Variants in ERBB4 observed in about 807,000 individuals in gnomAD.
ERBB4 encodes the protein receptor tyrosine-protein kinase erbB-4.
In ERBB4, 42 loss-of-function variants were observed where a neutral mutation model predicts 158.0. The ratio of observed to expected loss-of-function variants is 0.27; its 90% CI spans 0.21 to 0.34. The LOEUF is 0.34. ERBB4 is among the 10% of genes least tolerant of loss of function. The pLI, the probability that ERBB4 is intolerant of heterozygous loss-of-function variation, is 1.00. For synonymous variants in ERBB4, 583 were observed against 558.7 expected (o/e 1.04, Z -0.61); for missense variants, 1,333 against 1,624.1 (o/e 0.82, Z 3.08).
chr2:211,551,524 AAAC>A (rs1257178614), intron 20 of ERBB4, among the ~76,000 whole-genome samples: 1 of 152,190 alleles, frequency 6.6e-6, no homozygotes, highest in Non-Finnish European at 1.5e-5. Flanking sequence ...GAATCCATTC[AAAC>A]AACTGGTATT....
Position 211,623,917 on chromosome 2 carries a change from C to T in ERBB4, c.2202+5G>A, listed in dbSNP as rs767121730. ...AACTAACGATATGCGTTGTTTTTTACTTACTTTATAAACCGTTCCAAAAGC... is the reference window on the plus strand; with the variant it reads ...AACTAACGATATGCGTTGTTTTTTATTTACTTTATAAACCGTTCCAAAAGC... On this transcript the variant is annotated splice_donor_5th_base_variant and intron_variant, in intron 18 of 27. Transcript: ENST00000342788. The T allele has an allele frequency of 1.2e-6, 2 of 1,613,736 alleles. No individual in the cohort carries two copies. The highest frequency in any genetic ancestry group is 1.7e-6 in the Non-Finnish European group (2 of 1,179,848).
chr2:212,057,628 C>A (rs906959456), intron 2 of ERBB4, among the ~76,000 whole-genome samples: 5 of 152,032 alleles, frequency 3.3e-5, no homozygotes, highest in African/African-American at 7.2e-5. Context: ...TAAGAAACTC[C>A]CTCAAAACTG....
intron 1 of ERBB4, among the ~76,000 whole-genome samples, chr2:212,339,839 G>T (rs556283420): frequency 1.3e-5 from 2 of 152,044 alleles, no homozygotes; most frequent in African/African-American, 4.8e-5. Context: ...TTGTAGTCCA[G>T]AAAATCTGTA....
chr2:212,414,615 A>C (rs191726985), intron 1 of ERBB4, among the ~76,000 whole-genome samples: 5 of 152,312 alleles, frequency 3.3e-5, no homozygotes, highest in Non-Finnish European at 5.9e-5. Context: ...TAACTTTAAA[A>C]TTTCTAATCC....
In ERBB4 at chr2:211,769,792, G is replaced by A. The variant is rs545505237; in HGVS notation, c.556+18233C>T. ...TCAGTGTGGGTGAAAGATGAAGGCCGGAAGACTCAGCAAGTCTGCTCTTCC... is the reference window on the plus strand; with the variant it reads ...TCAGTGTGGGTGAAAGATGAAGGCCAGAAGACTCAGCAAGTCTGCTCTTCC... On this transcript the variant is annotated intron_variant, in intron 4 of 27. Coordinates refer to ENST00000342788, the MANE Select transcript of ERBB4 (RefSeq NM_005235.3). 1.1e-3 allele frequency among the ~76,000 whole-genome samples: 175 copies of A among 152,280 alleles called. 1 individual carries two copies. The highest frequency in any genetic ancestry group is 2.1e-3 in the Non-Finnish European group (143 of 68,034).
chr2:211,400,196 A>G (rs138247072), intron 25 of ERBB4, among the ~76,000 whole-genome samples: 8 of 152,100 alleles, frequency 5.3e-5, no homozygotes, highest in Non-Finnish European at 8.8e-5. Flanking sequence ...TCATCTGTAA[A>G]ATGGGGATAA....
chr2:211,849,218 A>G (rs1288670393), intron 3 of ERBB4, among the ~76,000 whole-genome samples: 1 of 152,048 alleles, frequency 6.6e-6, no homozygotes, highest in Non-Finnish European at 1.5e-5. Flanking sequence ...TAGTATGCAT[A>G]TATTATTTAT....
At chr2:211,482,525 A>G (rs1322193493) in intron 20 of ERBB4, among the ~76,000 whole-genome samples, 1 of 152,240 alleles carries the variant, frequency 6.6e-6, no homozygotes, top group Non-Finnish European at 1.5e-5. Flanking sequence ...AACTTTCAAC[A>G]AGTCAAAATT....
chr2:211,735,919 G>A (rs2074583966), intron 5 of ERBB4, among the ~76,000 whole-genome samples: 1 of 151,938 alleles, frequency 6.6e-6, no homozygotes, highest in South Asian at 2.1e-4. Context: ...TTGGGAGGCT[G>A]AGGCAGGAGG....
In ERBB4 at chr2:211,739,056, CAT is replaced by C. The variant is rs563993692; in HGVS notation, c.622+11581_622+11582del. 7.4e-4 allele frequency among the ~76,000 whole-genome samples: 112 copies of C among 152,234 alleles called. 1 individual carries two copies. In the South Asian group the frequency reaches 7.7e-3, roughly 10 times the overall value. On this transcript the variant is annotated intron_variant, in intron 5 of 27. Coordinates refer to ENST00000342788, the MANE Select transcript of ERBB4 (RefSeq NM_005235.3). Reference sequence around the variant, plus strand: ...TTTCCTAGTACTTCCAGTTATATCACATGTTTTTAAATTTTTAATCTATAATT... The same window carrying C: ...TTTCCTAGTACTTCCAGTTATATCACGTTTTTAAATTTTTAATCTATAATT...
chr2:211,940,858 T>A (rs2118892), intron 3 of ERBB4, among the ~76,000 whole-genome samples: 74,606 of 151,826 alleles, frequency 0.49, 19,755 homozygotes, highest in Non-Finnish European at 0.6. Context: ...TCCCCTTCAT[T>A]CAGTTCTATA....
At position 211,377,630 on chromosome 2, in the gene ERBB4, C is replaced by T. The variant is rs2062498656; in HGVS notation, c.*5985G>A. ...CTTTACCTTTATGATAATAAGACTC[C>T]TCATTTGGGAGAAAAAAATTTACAG... On this transcript the variant is annotated 3_prime_UTR_variant, in exon 28 of 28. Coordinates refer to ENST00000342788, the MANE Select transcript of ERBB4 (RefSeq NM_005235.3). 4.3e-6 allele frequency: 1 copy of T among 232,236 alleles called. No homozygotes were observed. The highest frequency in any genetic ancestry group is 2.2e-5 in the African/African-American group (1 of 45,234). The allele number at this position is 232,236 out of a possible 1,614,324, so 14.4% of individuals were successfully genotyped here.
chr2:212,399,992 A>G (rs991491984), intron 1 of ERBB4, among the ~76,000 whole-genome samples: 1 of 152,154 alleles, frequency 6.6e-6, no homozygotes, highest in African/African-American at 2.4e-5. Context: ...AACTTTAATG[A>G]AATCAAATGA....
intron 20 of ERBB4, among the ~76,000 whole-genome samples, chr2:211,440,699 C>G (rs73985440): frequency 0.013 from 1,944 of 152,180 alleles, 38 homozygotes; most frequent in African/African-American, 0.045. Context: ...TCATATAGAC[C>G]TAAATAATTT....
At chr2:211,888,865 A>G (rs955351683) in intron 3 of ERBB4, among the ~76,000 whole-genome samples, 8 of 151,672 alleles carry the variant, frequency 5.3e-5, no homozygotes, top group African/African-American at 1.9e-4. Context: ...GCGAACCATG[A>G]GATTATATCC....
intron 19 of ERBB4, among the ~76,000 whole-genome samples, chr2:211,584,928 G>A (rs963842921): frequency 4.0e-5 from 6 of 150,624 alleles, no homozygotes; most frequent in East Asian, 1.9e-4. Context: ...TATTTGTGGC[G>A]CATTTTTTCT....
At chr2:211,515,910 A>ATTTTT (rs1282959141) in intron 20 of ERBB4, among the ~76,000 whole-genome samples, 1 of 83,170 alleles carries the variant, frequency 1.2e-5, no homozygotes, top group Non-Finnish European at 2.2e-5. Flanking sequence ...ATATATATAT[A>ATTTTT]TATTTTTTTT....
intron 3 of ERBB4, among the ~76,000 whole-genome samples, chr2:211,880,600 A>G (rs2078635521): frequency 6.6e-6 from 1 of 152,226 alleles, no homozygotes; most frequent in South Asian, 2.1e-4. Flanking sequence ...CTAACATGTT[A>G]TAACATGTCT....
intron 5 of ERBB4, among the ~76,000 whole-genome samples, chr2:211,739,566 C>G (rs1227621703): frequency 6.6e-6 from 1 of 152,082 alleles, no homozygotes; most frequent in Non-Finnish European, 1.5e-5. Context: ...CAGGTTCAAC[C>G]GATTCTCCTG....
Sources: allele counts gnomAD v4.1 joint callset (sites outside exome capture counted in the v4.1 genomes callset), GRCh38; gene constraint gnomAD v4.1.1; transcripts MANE v1.5; gene names NCBI Gene and HGNC (gene_info 2026-07-23, HGNC 2026-07-21).